ENTREP2: variants seen among roughly 807,000 people sequenced by gnomAD.
The protein encoded by ENTREP2 is protein ENTREP2.
chr15:29,280,673 G>T, the ENTREP2 span, among the ~76,000 whole-genome samples: 1 of 152,228 alleles, frequency 6.6e-6, no homozygotes, highest in African/African-American at 2.4e-5. Flanking sequence ...GAGAGCAGAA[G>T]GACCCTGCTG....
chr15:29,322,451 T>C, the ENTREP2 span, among the ~76,000 whole-genome samples: 1 of 152,192 alleles, frequency 6.6e-6, no homozygotes, highest in African/African-American at 2.4e-5. Flanking sequence ...TTATTCTTAA[T>C]TGATCTAAAA....
chr15:29,149,972 C>T, the ENTREP2 span, among the ~76,000 whole-genome samples: 1 of 152,228 alleles, frequency 6.6e-6, no homozygotes, highest in African/African-American at 2.4e-5. Context: ...CAGCCGCTGT[C>T]GCCGCAGCCT....
chr15:29,586,218 A>T, the ENTREP2 span, among the ~76,000 whole-genome samples: 1 of 152,176 alleles, frequency 6.6e-6, no homozygotes, highest in Non-Finnish European at 1.5e-5. Flanking sequence ...GCCAGTCACA[A>T]AAGGCCACGA....
the ENTREP2 span, among the ~76,000 whole-genome samples, chr15:29,553,064 G>C: frequency 6.6e-6 from 1 of 152,260 alleles, no homozygotes; most frequent in African/African-American, 2.4e-5. Context: ...GGGAGGCCAA[G>C]GCGGGCAGAT....
chr15:29,383,493 G>A, the ENTREP2 span, among the ~76,000 whole-genome samples: 2 of 152,212 alleles, frequency 1.3e-5, no homozygotes, highest in South Asian at 4.1e-4. Flanking sequence ...TTGCAGACCA[G>A]GTCTCCTGTG....
chr15:29,134,116 A>G, the ENTREP2 span, among the ~76,000 whole-genome samples: 5 of 152,274 alleles, frequency 3.3e-5, no homozygotes, highest in Admixed American at 3.3e-4. Context: ...TGCAGTGCTG[A>G]TGACAACTAT....
the ENTREP2 span, among the ~76,000 whole-genome samples, chr15:29,584,997 G>GGATAGATA: frequency 0.06 from 8,990 of 150,654 alleles, 688 homozygotes; most frequent in African/African-American, 0.18. Context: ...AAAGATCGAT[G>GGATAGATA]GATAGATAGA....
chr15:29,478,064 A>G, the ENTREP2 span, among the ~76,000 whole-genome samples: 1 of 115,052 alleles, frequency 8.7e-6, no homozygotes, highest in Non-Finnish European at 1.6e-5. Context: ...TTGCTCTGTC[A>G]CCCAGGCTGG....
At chr15:29,305,599 G>A in the ENTREP2 span, among the ~76,000 whole-genome samples, 5 of 152,150 alleles carry the variant, frequency 3.3e-5, no homozygotes, top group East Asian at 5.8e-4. Context: ...AGGGAGTGGC[G>A]AGAGTCAAGG....
the ENTREP2 span, among the ~76,000 whole-genome samples, chr15:29,186,647 C>T: frequency 2.6e-5 from 4 of 152,204 alleles, no homozygotes; most frequent in African/African-American, 9.7e-5. Flanking sequence ...ACCACCGGCA[C>T]CATAGGTGAT....
chr15:29,133,375 G>A, the ENTREP2 span, among the ~76,000 whole-genome samples: 1 of 152,128 alleles, frequency 6.6e-6, no homozygotes, highest in Non-Finnish European at 1.5e-5. Context: ...GGAGCCCTGG[G>A]GGTGGGCCCA....
chr15:29,186,154 T>C, the ENTREP2 span, among the ~76,000 whole-genome samples: 1 of 152,178 alleles, frequency 6.6e-6, no homozygotes. Flanking sequence ...TGCTGGACCA[T>C]CTTCGACCAT....
the ENTREP2 span, among the ~76,000 whole-genome samples, chr15:29,653,297 TTTC>T: frequency 5.3e-5 from 8 of 152,208 alleles, no homozygotes; most frequent in Non-Finnish European, 1.0e-4. Flanking sequence ...AACCACAAAT[TTTC>T]TTTTCTTTCT....
the ENTREP2 span, among the ~76,000 whole-genome samples, chr15:29,438,954 C>T: frequency 2.0e-5 from 3 of 152,000 alleles, no homozygotes; most frequent in South Asian, 6.2e-4. Flanking sequence ...TGTGTATTTC[C>T]CCTGAAGGCA....
the ENTREP2 span, among the ~76,000 whole-genome samples, chr15:29,272,957 A>G: frequency 3.7e-3 from 566 of 152,234 alleles, no homozygotes; most frequent in Middle Eastern, 0.02. Context: ...CCAAAACTGC[A>G]AAAGGGAGGG....
chr15:29,416,118 G>A, the ENTREP2 span, among the ~76,000 whole-genome samples: 59 of 152,140 alleles, frequency 3.9e-4, no homozygotes, highest in Non-Finnish European at 7.2e-4. Flanking sequence ...GCTACCAATG[G>A]CTTTCTTCAC....
the ENTREP2 span, among the ~76,000 whole-genome samples, chr15:29,261,312 A>G: frequency 6.6e-6 from 1 of 152,336 alleles, no homozygotes; most frequent in Non-Finnish European, 1.5e-5. Flanking sequence ...CAAGAGTTGG[A>G]GGCTGCCGTG....
At chr15:29,474,648 G>T in the ENTREP2 span, among the ~76,000 whole-genome samples, 4 of 151,868 alleles carry the variant, frequency 2.6e-5, no homozygotes, top group African/African-American at 9.7e-5. Context: ...TCCGCCTCCC[G>T]GGTTCAAGTG....
At chr15:29,140,004 C>T in the ENTREP2 span, among the ~76,000 whole-genome samples, 1 of 152,182 alleles carries the variant, frequency 6.6e-6, no homozygotes, top group South Asian at 2.1e-4. Context: ...CCAGAGGGCA[C>T]CTGGCCGGCC....
Sources: gnomAD v4.1 joint callset for allele counts (sites outside exome capture counted in the v4.1 genomes callset) on GRCh38, gnomAD v4.1.1 for gene constraint, MANE v1.5 for transcripts, NCBI Gene and HGNC (gene_info 2026-07-23, HGNC 2026-07-21) for gene names.